Variants in SMC5 observed in about 807,000 individuals in gnomAD.
SMC5 encodes the protein structural maintenance of chromosomes protein 5.
A neutral mutation model predicts 148.3 loss-of-function variants in SMC5; 88 were observed. That is an observed-to-expected ratio of 0.59 (90% CI 0.50 to 0.71). SMC5 has a LOEUF of 0.71. Among genes scored for constraint, SMC5 ranks in the 30% least tolerant of loss-of-function variants. The pLI, the probability that SMC5 is intolerant of heterozygous loss-of-function variation, is 0.00. For missense variants in SMC5, 1,142 were observed against 1,298.9 expected (o/e 0.88, Z 1.86); for synonymous variants, 421 against 432.8 (o/e 0.97, Z 0.34).
In SMC5 at chr9:70,297,998, G is replaced by A. The variant is rs61752954; in HGVS notation, c.1086G>A (p.Lys362=). Residue 362 remains lysine, a synonymous_variant, in exon 9 of 25, where the codon AAG becomes AAA. Transcript: ENST00000361138. ...IEELQQALIV[K]QNEELDRQRR... is the part of the protein sequence containing the mutation. ...AACTTCAGCAGGCTTTAATAGTAAA[G>A]CAAAATGAAGAGCTTGACCGACAGA... 0.047 allele frequency: 76,581 copies of A among 1,613,630 alleles called. 2,112 individuals carry two copies. Among genetic ancestry groups the A allele is most frequent in the Non-Finnish European group, 0.058 (68,023 of 1,179,820 alleles).
At chr9:70,347,365 A>C (rs960391425) in intron 20 of SMC5, among the ~76,000 whole-genome samples, 1 of 152,220 alleles carries the variant, frequency 6.6e-6, no homozygotes, top group Non-Finnish European at 1.5e-5. Context: ...GATTCTTCCT[A>C]AGGAACACAA....
intron 3 of SMC5, 73 bp from the exon 4 acceptor site, chr9:70,277,237 A>G: frequency 9.0e-7 from 1 of 1,107,920 alleles, no homozygotes; most frequent in Non-Finnish European, 1.2e-6. Flanking sequence ...GTGCAAGAGA[A>G]TTTTGGGAAT....
At chr9:70,321,200 A>G (rs1409607207) in intron 15 of SMC5, among the ~76,000 whole-genome samples, 1 of 152,040 alleles carries the variant, frequency 6.6e-6, no homozygotes, top group Non-Finnish European at 1.5e-5. Flanking sequence ...TTTTTTCTCT[A>G]GTTCTGAAAG....
At chr9:70,306,555 G>A (rs905757196) in intron 11 of SMC5, among the ~76,000 whole-genome samples, 1 of 152,188 alleles carries the variant, frequency 6.6e-6, no homozygotes, top group African/African-American at 2.4e-5. Flanking sequence ...GAGAAGTCAA[G>A]TTGCTTGGGT....
intron 11 of SMC5, among the ~76,000 whole-genome samples, chr9:70,309,854 A>T (rs1478770908): frequency 6.6e-6 from 1 of 152,086 alleles, no homozygotes; most frequent in African/African-American, 2.4e-5. Context: ...AGAATGATGA[A>T]TCTTTTTTAG....
chr9:70,336,902 A>G (rs935708522), intron 17 of SMC5, among the ~76,000 whole-genome samples: 2 of 152,218 alleles, frequency 1.3e-5, no homozygotes, highest in Non-Finnish European at 2.9e-5. Flanking sequence ...GGTTTAATGG[A>G]CTTACAGTTC....
intron 2 of SMC5, among the ~76,000 whole-genome samples, chr9:70,266,925 A>G (rs112026543): frequency 3.3e-5 from 5 of 152,140 alleles, no homozygotes; most frequent in East Asian, 1.9e-4. Flanking sequence ...TAACTGTCCA[A>G]TGTTTAACAA....
chr9:70,273,476 C>G (rs1587624772), intron 3 of SMC5, among the ~76,000 whole-genome samples: 1 of 151,512 alleles, frequency 6.6e-6, no homozygotes, highest in Non-Finnish European at 1.5e-5. Context: ...TTGCATTTGT[C>G]GTATATCATG....
At chr9:70,276,725 G>A (rs1444362532) in intron 3 of SMC5, among the ~76,000 whole-genome samples, 2 of 152,138 alleles carry the variant, frequency 1.3e-5, no homozygotes, top group East Asian at 1.9e-4. Context: ...CTAAAAGCGA[G>A]AAATAAGTAA....
intron 1 of SMC5, among the ~76,000 whole-genome samples, chr9:70,260,118 T>C (rs1161930117): frequency 2.6e-5 from 4 of 151,910 alleles, no homozygotes; most frequent in Admixed American, 2.6e-4. Flanking sequence ...CTAGTTTTTG[T>C]TTTTGAGACG....
intron 10 of SMC5, among the ~76,000 whole-genome samples, chr9:70,300,805 A>AAAC (rs2035338981): frequency 6.6e-6 from 1 of 152,152 alleles, no homozygotes; most frequent in Non-Finnish European, 1.5e-5. Flanking sequence ...TTTTGGGCAC[A>AAAC]TAAAAGGATG....
intron 17 of SMC5, among the ~76,000 whole-genome samples, chr9:70,342,401 TAATA>T (rs1022792576): frequency 6.6e-5 from 10 of 151,986 alleles, no homozygotes; most frequent in East Asian, 1.9e-4. Flanking sequence ...AATAATAAAA[TAATA>T]AATAATAATA....
At chr9:70,321,674 A>C (rs2035951911) in intron 15 of SMC5, among the ~76,000 whole-genome samples, 1 of 152,040 alleles carries the variant, frequency 6.6e-6, no homozygotes. Context: ...GAGCCACCAC[A>C]CCCAGCCAAA....
chr9:70,295,098 G>T (rs1718964538), intron 8 of SMC5, among the ~76,000 whole-genome samples: 1 of 152,058 alleles, frequency 6.6e-6, no homozygotes, highest in Non-Finnish European at 1.5e-5. Flanking sequence ...GGCAGGAAAA[G>T]GTCACCACTT....
intron 17 of SMC5, among the ~76,000 whole-genome samples, chr9:70,338,508 C>T (rs575138362): frequency 2.6e-5 from 4 of 152,008 alleles, no homozygotes; most frequent in Non-Finnish European, 4.4e-5. Context: ...GAATTTTGCA[C>T]TCGTTTAACT....
At chr9:70,293,963 G>GTGAAAAAT (rs2035131701) in intron 8 of SMC5, among the ~76,000 whole-genome samples, 1 of 151,982 alleles carries the variant, frequency 6.6e-6, no homozygotes, top group Non-Finnish European at 1.5e-5. Context: ...ATGGTCCTTC[G>GTGAAAAAT]TGAAAAATTA....
At chr9:70,284,910 G>T (rs754961846) in intron 7 of SMC5, among the ~76,000 whole-genome samples, 4 of 151,556 alleles carry the variant, frequency 2.6e-5, no homozygotes, top group Admixed American at 6.6e-5. Context: ...TTTAATTCCA[G>T]GCAGGTGATG....
At chr9:70,290,801 T>C (rs770096167) in intron 8 of SMC5, among the ~76,000 whole-genome samples, 10 of 152,220 alleles carry the variant, frequency 6.6e-5, no homozygotes, top group Non-Finnish European at 1.5e-4. Flanking sequence ...ACTCTGAGGC[T>C]TAACCAAATC....
intron 1 of SMC5, among the ~76,000 whole-genome samples, chr9:70,263,534 G>A (rs1427623370): frequency 1.3e-5 from 2 of 152,210 alleles, no homozygotes; most frequent in Non-Finnish European, 2.9e-5. Flanking sequence ...CAAATTCAGA[G>A]TATTCAAAGG....
Sources: gnomAD v4.1 joint callset for allele counts (sites outside exome capture counted in the v4.1 genomes callset) on GRCh38, gnomAD v4.1.1 for gene constraint, MANE v1.5 for transcripts, NCBI Gene and HGNC (gene_info 2026-07-23, HGNC 2026-07-21) for gene names.